The following CNTN6 variants were observed in gnomAD, a reference collection of about 807,000 sequenced individuals.
CNTN6 encodes contactin-6.
Under a neutral mutation model 122.8 loss-of-function variants are expected in CNTN6, and 137 were observed. The observed-to-expected ratio is 1.12, with a 90% CI of 0.97 to 1.29. The LOEUF (loss-of-function observed/expected upper bound fraction) is 1.29, where lower values mean the gene tolerates loss of function less well. Among genes scored for constraint, CNTN6 ranks in the 50% most tolerant of loss-of-function variants. The pLI is 0.00. For missense variants in CNTN6, 1,634 were observed against 1,223.4 expected (o/e 1.34, Z -5.01); for synonymous variants, 570 against 426.0 (o/e 1.34, Z -4.16).
At chr3:1,228,125 G>A in intron 4 of CNTN6, 132 bp downstream of exon 4, 2 of 751,310 alleles carry the variant, frequency 2.7e-6, no homozygotes, top group Admixed American at 3.1e-5. Flanking sequence ...TTTTGACAAT[G>A]TTCATTTTGT....
intron 5 of CNTN6, among the ~76,000 whole-genome samples, chr3:1,290,427 G>A (rs1369862930): frequency 6.6e-6 from 1 of 152,152 alleles, no homozygotes; most frequent in Non-Finnish European, 1.5e-5. Flanking sequence ...TTGAAGGAAG[G>A]CTAAAGGTGA....
chr3:1,389,869 ATATC>A, intron 20 of CNTN6, among the ~76,000 whole-genome samples: 1 of 151,804 alleles, frequency 6.6e-6, no homozygotes, highest in Non-Finnish European at 1.5e-5. Flanking sequence ...ACTATCCTAA[ATATC>A]TATGCACCCA....
At chr3:1,181,079 G>A (rs1442295188) in intron 2 of CNTN6, among the ~76,000 whole-genome samples, 2 of 151,874 alleles carry the variant, frequency 1.3e-5, no homozygotes, top group African/African-American at 4.8e-5. Flanking sequence ...TGTGAATTTC[G>A]GCAAAGGCAA....
intron 12 of CNTN6, among the ~76,000 whole-genome samples, chr3:1,360,676 G>A (rs1367303861): frequency 6.6e-6 from 1 of 150,506 alleles, no homozygotes; most frequent in East Asian, 2.0e-4. Context: ...CCAGTTTTAT[G>A]TTTCTAAATA....
chr3:1,330,421 ACAGTTGAGAAACCCTAG>A (rs1463415044), intron 11 of CNTN6, among the ~76,000 whole-genome samples: 3 of 151,886 alleles, frequency 2.0e-5, no homozygotes, highest in Non-Finnish European at 4.4e-5. Context: ...CATAATGGAT[ACAGTTGAGAAACCCTAG>A]GTCAGCACTG....
At chr3:1,247,151 T>C (rs2094593718) in intron 4 of CNTN6, among the ~76,000 whole-genome samples, 1 of 152,216 alleles carries the variant, frequency 6.6e-6, no homozygotes, top group South Asian at 2.1e-4. Context: ...ATTTAAATTA[T>C]AATGCACCTG....
At chr3:1,210,350 C>A (rs931956107) in intron 2 of CNTN6, among the ~76,000 whole-genome samples, 1 of 138,732 alleles carries the variant, frequency 7.2e-6, no homozygotes, top group Admixed American at 7.5e-5. Context: ...AAGATAAATA[C>A]GTGTGGTAAG....
intron 5 of CNTN6, 135 bp downstream of exon 5, chr3:1,278,643 C>A: frequency 1.9e-6 from 1 of 533,950 alleles, no homozygotes; most frequent in East Asian, 2.8e-5. Context: ...GCATCTACTG[C>A]ATACAAATAG....
chr3:1,233,643 G>C (rs532527303), intron 4 of CNTN6, among the ~76,000 whole-genome samples: 7 of 148,008 alleles, frequency 4.7e-5, no homozygotes, highest in African/African-American at 1.5e-4. Flanking sequence ...GCTGAGGCAG[G>C]AGAATCGCGT....
intron 16 of CNTN6, among the ~76,000 whole-genome samples, chr3:1,375,940 A>C (rs369645068): frequency 6.6e-6 from 1 of 152,090 alleles, no homozygotes; most frequent in Non-Finnish European, 1.5e-5. Context: ...TAGGTGGTCT[A>C]TATGGTGGGG....
At chr3:1,231,772 G>A (rs1454033260) in intron 4 of CNTN6, among the ~76,000 whole-genome samples, 1 of 152,066 alleles carries the variant, frequency 6.6e-6, no homozygotes, top group Non-Finnish European at 1.5e-5. Flanking sequence ...AAATACTCAG[G>A]TAGATCCTAT....
At chr3:1,103,703 G>A (rs1316870788) in intron 1 of CNTN6, among the ~76,000 whole-genome samples, 1 of 152,172 alleles carries the variant, frequency 6.6e-6, no homozygotes, top group African/African-American at 2.4e-5. Flanking sequence ...CACAATGCCT[G>A]AGCCAATTGC....
At position 1,227,805 on chromosome 3, in the gene CNTN6, T is replaced by G. The variant is rs146722842; in HGVS notation, c.183-13T>G. The G allele has an allele frequency of 0.018, 28,951 of 1,612,346 alleles. 457 individuals carry two copies. The highest frequency in any genetic ancestry group is 0.058 in the South Asian group (5,298 of 90,656). ...TGTATATTATAAGCACTTTATTTTT[T>G]TTTTCCTTGAAGGTGGAAGCAAAAT... On this transcript the variant is annotated splice_polypyrimidine_tract_variant and intron_variant, in intron 3 of 22. Coordinates refer to ENST00000446702, the MANE Select transcript of CNTN6 (RefSeq NM_001289080.2).
chr3:1,236,321 C>T (rs879570635), intron 4 of CNTN6, among the ~76,000 whole-genome samples: 2 of 152,140 alleles, frequency 1.3e-5, no homozygotes, highest in Non-Finnish European at 2.9e-5. Flanking sequence ...CAAGGACCCT[C>T]ACAGAGTTCA....
At chr3:1,377,857 G>T (rs541289968) in intron 17 of CNTN6, among the ~76,000 whole-genome samples, 1 of 152,128 alleles carries the variant, frequency 6.6e-6, no homozygotes, top group Non-Finnish European at 1.5e-5. Flanking sequence ...TACATTTCTC[G>T]TTTGACTTTG....
Position 1,403,444 on chromosome 3 carries a change from GTTT to G in CNTN6, c.*30_*32del. ...TGAATAAAACCATAAATCTTTGAGA[GTTT>G]TTTGAAAGCAAATCATTCTGTATAT... On this transcript the variant is annotated 3_prime_UTR_variant, in exon 23 of 23. Transcript: ENST00000446702. 1 of 1,496,996 alleles carries G rather than the reference GTTT, an allele frequency of 6.7e-7. No homozygotes were observed. The highest frequency in any genetic ancestry group is 1.1e-5 in the South Asian group (1 of 88,242). 92.7% of individuals were successfully genotyped at this position (1,496,996 alleles called of 1,614,324 possible). A position where few individuals can be genotyped will look rare whatever the true frequency, so the allele number is the denominator to read the frequency against.
At chr3:1,211,999 C>T (rs761538963) in intron 2 of CNTN6, among the ~76,000 whole-genome samples, 4 of 151,814 alleles carry the variant, frequency 2.6e-5, no homozygotes, top group Non-Finnish European at 4.4e-5. Context: ...TCACTGCATT[C>T]GAATAAAAAG....
At chr3:1,121,444 GATTTGTATTT>G (rs1385098545) in intron 1 of CNTN6, among the ~76,000 whole-genome samples, 10 of 151,924 alleles carry the variant, frequency 6.6e-5, no homozygotes, top group African/African-American at 2.2e-4. Flanking sequence ...TATTAATTTT[GATTTGTATTT>G]ATTTGTAAAT....
At chr3:1,211,479 A>G (rs2094037351) in intron 2 of CNTN6, among the ~76,000 whole-genome samples, 1 of 152,168 alleles carries the variant, frequency 6.6e-6, no homozygotes, top group Non-Finnish European at 1.5e-5. Flanking sequence ...ATTTAAAGCT[A>G]TCTTTCTCAA....
Sources: allele counts gnomAD v4.1 joint callset (sites outside exome capture counted in the v4.1 genomes callset), GRCh38; gene constraint gnomAD v4.1.1; transcripts MANE v1.5; gene names NCBI Gene and HGNC (gene_info 2026-07-23, HGNC 2026-07-21).